ACBD5: variants seen among roughly 807,000 people sequenced by gnomAD.
ACBD5 encodes the protein acyl-CoA-binding domain-containing protein 5.
A neutral mutation model predicts 71.8 loss-of-function variants in ACBD5; 40 were observed. The observed-to-expected ratio is 0.56, with a 90% CI of 0.43 to 0.72. ACBD5 has a LOEUF of 0.72. Ranked by LOEUF, ACBD5 falls within the 30% of genes least tolerant of loss-of-function variation. ACBD5 has a pLI of 0.00. For missense variants in ACBD5, 559 were observed against 644.5 expected (o/e 0.87, Z 1.44); for synonymous variants, 229 against 218.6 (o/e 1.05, Z -0.42).
In ACBD5 at chr10:27,233,971, G is replaced by A. The variant is rs1412002340; in HGVS notation, c.302+1121C>T. On this transcript the variant is annotated intron_variant, in intron 3 of 12. Coordinates refer to ENST00000396271, the MANE Select transcript of ACBD5 (RefSeq NM_145698.5). ...AGGCAGGAGAATCGCTTGAACCTGG[G>A]AGGCAGAGGTTGCGGTGAGCTGAGG... is the stretch of plus-strand genomic sequence containing the variant. Among the ~76,000 whole-genome samples, 7 of 152,132 alleles carry A rather than the reference G, an allele frequency of 4.6e-5. 1 individual carries two copies. The highest frequency in any genetic ancestry group is 8.8e-5 in the Non-Finnish European group (6 of 68,030).
At chr10:27,212,309 A>T (rs996639462) in intron 8 of ACBD5, among the ~76,000 whole-genome samples, 1 of 152,204 alleles carries the variant, frequency 6.6e-6, no homozygotes, top group African/African-American at 2.4e-5. Context: ...AGATTGTGCC[A>T]CTGCACTCCA....
chr10:27,219,019 A>G (rs1216325006), intron 6 of ACBD5, among the ~76,000 whole-genome samples: 3 of 152,118 alleles, frequency 2.0e-5, no homozygotes, highest in Non-Finnish European at 4.4e-5. Context: ...TTATGCCTGT[A>G]GGCCGGGTGC....
intron 4 of ACBD5, among the ~76,000 whole-genome samples, chr10:27,230,323 C>G (rs1283592601): frequency 6.6e-6 from 1 of 151,056 alleles, no homozygotes; most frequent in Non-Finnish European, 1.5e-5. Flanking sequence ...AAAAAAAAAA[C>G]AAGTCTAAAT....
chr10:27,236,816 CG>C (rs2064764880), intron 2 of ACBD5, among the ~76,000 whole-genome samples: 1 of 142,574 alleles, frequency 7.0e-6, no homozygotes, highest in African/African-American at 2.6e-5. Flanking sequence ...ACCTGGAAGA[CG>C]GTGGTTGCAG....
upstream of ACBD5, among the ~76,000 whole-genome samples, chr10:27,241,452 G>C (rs2065482204): frequency 1.3e-5 from 2 of 152,176 alleles, no homozygotes; most frequent in Admixed American, 6.5e-5. Flanking sequence ...AGGAGCAGCC[G>C]AAGGAGAGAG....
intron 12 of ACBD5, among the ~76,000 whole-genome samples, chr10:27,199,243 C>A (rs1348703406): frequency 6.6e-6 from 1 of 150,900 alleles, no homozygotes; most frequent in African/African-American, 2.4e-5. Context: ...GGCTGGAGTG[C>A]AGTGGCGCGC....
chr10:27,222,796 C>T (rs2062525278), intron 5 of ACBD5, among the ~76,000 whole-genome samples: 1 of 152,130 alleles, frequency 6.6e-6, no homozygotes, highest in South Asian at 2.1e-4. Context: ...GTCTTGAACT[C>T]CTGACCTCAA....
At position 27,199,894 on chromosome 10, in the gene ACBD5, A is replaced by C. The variant is rs1036009269; in HGVS notation, c.1566-2452T>G. On this transcript the variant is annotated intron_variant, in intron 12 of 12. Transcript: ENST00000396271. The stretch of plus-strand genomic sequence containing the variant: ...GTAGTCCCAGCTACTGGGGAGACTG[A>C]GAGACAATAGCGTGAACCTGGGAGG... Among the ~76,000 whole-genome samples the C allele has an allele frequency of 1.1e-4, 17 of 152,148 alleles. No homozygotes were observed. In the East Asian group the frequency reaches 2.7e-3, roughly 24 times the overall value.
chr10:27,189,785 TATAA>T (rs1029667153), intron 13 of ACBD5, among the ~76,000 whole-genome samples: 2 of 150,758 alleles, frequency 1.3e-5, no homozygotes, highest in African/African-American at 4.9e-5. Flanking sequence ...TATATATATA[TATAA>T]ATAAACTTTT....
Position 27,223,503 on chromosome 10 carries a change from C to G in ACBD5, c.376-51G>C, listed in dbSNP as rs1419220464. On this transcript the variant is annotated intron_variant, in intron 4 of 12. Coordinates refer to ENST00000396271, the MANE Select transcript of ACBD5 (RefSeq NM_145698.5). ...TGAAATCACAAACTCTTAATTTGATCTCCACTAATATCAAATAATCTCCTA... is the reference window on the plus strand; with the variant it reads ...TGAAATCACAAACTCTTAATTTGATGTCCACTAATATCAAATAATCTCCTA... 3.9e-6 allele frequency: 5 copies of G among 1,270,872 alleles called. No individual in the cohort carries two copies. In the South Asian group the frequency reaches 6.0e-5, roughly 15 times the overall value. 78.7% of individuals were successfully genotyped at this position (1,270,872 alleles called of 1,614,324 possible).
Position 27,215,752 on chromosome 10 carries a change from T to C in ACBD5, c.830-111A>G, listed in dbSNP as rs4749238. The C allele has an allele frequency of 0.71, 525,505 of 737,580 alleles. 187,853 individuals carry two copies. The highest frequency in any genetic ancestry group is 0.76 in the Admixed American group (36,732 of 48,302). 45.7% of individuals were successfully genotyped at this position (737,580 alleles called of 1,614,324 possible). A position where few individuals can be genotyped will look rare whatever the true frequency, so the allele number is the denominator to read the frequency against. On this transcript the variant is annotated intron_variant, in intron 7 of 12. Transcript: ENST00000396271. ...TCTTGCTCTGTTGCCCAGGCTGGAG[T>C]GCAGTGGTGTGATCTCGGCTCACTG... is the stretch of plus-strand genomic sequence containing the variant.
At position 27,196,180 on chromosome 10, in the gene ACBD5, A is replaced by G; in HGVS notation, c.*1250T>C. ...ACGCCATTGCCCTCCAGCCTGGGCA[A>G]CAAGAGAGAAACTCCATTTAAAAAA... On this transcript the variant is annotated 3_prime_UTR_variant, in exon 13 of 13. Coordinates refer to ENST00000396271, the MANE Select transcript of ACBD5 (RefSeq NM_145698.5). The G allele has an allele frequency of 6.6e-6, 3 of 453,848 alleles. No individual in the cohort carries two copies. The highest frequency in any genetic ancestry group is 6.9e-4 in the Middle Eastern group (1 of 1,444). 28.1% of individuals were successfully genotyped at this position (453,848 alleles called of 1,614,324 possible).
chr10:27,214,656 T>A (rs571633457), intron 8 of ACBD5, among the ~76,000 whole-genome samples: 6 of 152,364 alleles, frequency 3.9e-5, no homozygotes, highest in African/African-American at 1.4e-4. Context: ...TCTCTCCCAA[T>A]ACTGGATCTT....
At chr10:27,224,643 T>A (rs2062777905) in intron 4 of ACBD5, among the ~76,000 whole-genome samples, 1 of 152,220 alleles carries the variant, frequency 6.6e-6, no homozygotes, top group Admixed American at 6.5e-5. Context: ...TGGTGACTGA[T>A]CAAAGAAATT....
At chr10:27,234,410 A>G (rs1277515177) in intron 3 of ACBD5, among the ~76,000 whole-genome samples, 1 of 151,910 alleles carries the variant, frequency 6.6e-6, no homozygotes, top group Non-Finnish European at 1.5e-5. Flanking sequence ...ACAAACAAGG[A>G]AAAGCCATTA....
Position 27,215,647 on chromosome 10 carries a change from T to G in ACBD5, c.830-6A>C. 1 of 1,595,764 alleles carries G rather than the reference T, an allele frequency of 6.3e-7. No homozygotes were observed. The highest frequency in any genetic ancestry group is 8.6e-7 in the Non-Finnish European group (1 of 1,164,484). On this transcript the variant is annotated splice_region_variant and splice_polypyrimidine_tract_variant and intron_variant, in intron 7 of 12. Transcript: ENST00000396271. ...AACATGATCATCATTTATATCTAAA[T>G]ATGAACAAAAGTGCAGATAGGGTAA...
At chr10:27,206,609 G>A (rs1433523079) in intron 10 of ACBD5, among the ~76,000 whole-genome samples, 2 of 152,018 alleles carry the variant, frequency 1.3e-5, no homozygotes, top group Admixed American at 1.3e-4. Flanking sequence ...TCCGCCAACA[G>A]GGTTCAGGTG....
intron 12 of ACBD5, among the ~76,000 whole-genome samples, chr10:27,198,641 T>C (rs2059598177): frequency 6.6e-6 from 1 of 152,066 alleles, no homozygotes; most frequent in Non-Finnish European, 1.5e-5. Context: ...AACAGGCCCC[T>C]GGAGGAAGAG....
intron 13 of ACBD5, among the ~76,000 whole-genome samples, chr10:27,189,068 G>A (rs1325580775): frequency 1.3e-5 from 2 of 152,184 alleles, no homozygotes; most frequent in Non-Finnish European, 2.9e-5. Context: ...GACAATTCTA[G>A]AGTCTTATCT....
Sources: allele counts gnomAD v4.1 joint callset (sites outside exome capture counted in the v4.1 genomes callset), GRCh38; gene constraint gnomAD v4.1.1; transcripts MANE v1.5; gene names NCBI Gene and HGNC (gene_info 2026-07-23, HGNC 2026-07-21).